The following TRABD2B variants were observed in gnomAD, a reference collection of about 807,000 sequenced individuals.
The protein encoded by TRABD2B is metalloprotease TIKI2.
In TRABD2B, 14 loss-of-function variants were observed where a neutral mutation model predicts 40.1. The observed-to-expected ratio is 0.35, with a 90% CI of 0.23 to 0.55. The LOEUF is 0.55. Among genes scored for constraint, TRABD2B ranks in the 20% least tolerant of loss-of-function variants. The pLI, the probability that TRABD2B is intolerant of heterozygous loss-of-function variation, is 0.90. For missense variants in TRABD2B, 541 were observed against 648.6 expected, an observed-to-expected ratio of 0.83 and a Z score of 1.80; for synonymous variants, 263 against 277.0, an observed-to-expected ratio of 0.95 and a Z score of 0.50.
chr1:47,900,285 G>C (rs1644582830), intron 2 of TRABD2B, among the ~76,000 whole-genome samples: 1 of 152,098 alleles, frequency 6.6e-6, no homozygotes, highest in African/African-American at 2.4e-5. Flanking sequence ...TTTGGGTTTA[G>C]GGTTCCTAAG....
chr1:47,863,372 T>TATATATATATATATATATATATATATA (rs1644003823), intron 2 of TRABD2B, among the ~76,000 whole-genome samples: 13 of 66,488 alleles, frequency 2.0e-4, no homozygotes, highest in South Asian at 3.7e-4. Context: ...CTATATAATT[T>TATATATATATATATATATATATATATA]TATATATATA....
intron 2 of TRABD2B, among the ~76,000 whole-genome samples, chr1:47,938,404 T>G (rs1348465320): frequency 6.6e-6 from 1 of 152,214 alleles, no homozygotes; most frequent in Non-Finnish European, 1.5e-5. Context: ...CCATCTGTTT[T>G]TCTGAAAACT....
At chr1:47,941,237 G>A (rs1436581290) in intron 2 of TRABD2B, among the ~76,000 whole-genome samples, 1 of 152,078 alleles carries the variant, frequency 6.6e-6, no homozygotes, top group African/African-American at 2.4e-5. Context: ...GTTCCTTAGA[G>A]TAGAAGTCCC....
chr1:47,978,182 T>G (rs1262936203), intron 2 of TRABD2B, among the ~76,000 whole-genome samples: 1 of 152,116 alleles, frequency 6.6e-6, no homozygotes, highest in African/African-American at 2.4e-5. Context: ...TATAAGGGAC[T>G]GAAGGGGCCA....
Position 47,996,718 on chromosome 1 carries a change from C to T in TRABD2B, c.72G>A (p.Pro24=), listed in dbSNP as rs1426315257. 2.0e-5 allele frequency: 25 copies of T among 1,228,160 alleles called. No individual in the cohort carries two copies. The highest frequency in any genetic ancestry group is 2.3e-5 in the Non-Finnish European group (23 of 984,836). The allele number at this position is 1,228,160 out of a possible 1,614,324, so 76.1% of individuals were successfully genotyped here. The part of the protein sequence containing the change: ...LATARARPQP[P]DGGQCRPPGS... ...CGGGCGGCCGGCACTGTCCTCCGTC[C>T]GGGGGCTGCGGGCGGGCGCGAGCGG... Residue 24 remains proline, a synonymous_variant, in exon 1 of 7, where the codon CCG becomes CCA. Coordinates refer to ENST00000606738, the MANE Select transcript of TRABD2B (RefSeq NM_001194986.2). The surrounding 1 kb of genome is among the most constrained non-coding windows in gnomAD (Gnocchi z 4.6).
chr1:47,794,396 C>T (rs1403519492), intron 4 of TRABD2B, among the ~76,000 whole-genome samples, 190 bp downstream of exon 4: 2 of 152,096 alleles, frequency 1.3e-5, no homozygotes, highest in African/African-American at 2.4e-5. Context: ...CCGTGGGGAC[C>T]GTTATGGAAG....
chr1:47,972,724 C>T (rs1293499340), intron 2 of TRABD2B, among the ~76,000 whole-genome samples: 1 of 152,108 alleles, frequency 6.6e-6, no homozygotes, highest in Non-Finnish European at 1.5e-5. Context: ...AGACAAGCAC[C>T]AATTTTTGAC....
intron 2 of TRABD2B, among the ~76,000 whole-genome samples, chr1:47,889,159 A>G (rs923853833): frequency 1.2e-4 from 18 of 152,254 alleles, no homozygotes; most frequent in African/African-American, 3.9e-4. Flanking sequence ...AACAGCTACC[A>G]GATGACTGAT....
At chr1:47,872,533 T>A (rs1235110315) in intron 2 of TRABD2B, among the ~76,000 whole-genome samples, 1 of 152,098 alleles carries the variant, frequency 6.6e-6, no homozygotes, top group East Asian at 1.9e-4. Context: ...CCTCTCTGGC[T>A]TCAACTCCCC....
At position 47,800,004 on chromosome 1, in the gene TRABD2B, T is replaced by C. The variant is rs570664652; in HGVS notation, c.813+1469A>G. On this transcript the variant is annotated intron_variant, in intron 3 of 6. Coordinates refer to ENST00000606738, the MANE Select transcript of TRABD2B (RefSeq NM_001194986.2). ...CACTGTGTCTAGCATTTATAAACTA[T>C]TTCATTCCTTCCTTCCTTCCTTCCT... Among the ~76,000 whole-genome samples, 112 of 119,284 alleles carry C rather than the reference T, an allele frequency of 9.4e-4. No homozygotes were observed. The Middle Eastern group carries it at 0.011, about 12-fold the overall frequency. The allele number at this position is 119,284 out of a possible 152,430, so 78.3% of individuals were successfully genotyped here.
chr1:47,915,419 C>T (rs1644817755), intron 2 of TRABD2B, among the ~76,000 whole-genome samples: 1 of 152,218 alleles, frequency 6.6e-6, no homozygotes, highest in South Asian at 2.1e-4. Flanking sequence ...AAGTGTATTA[C>T]ACCCAGGCCC....
rs1399431588 is a variant in TRABD2B at position 47,948,165 on chromosome 1, G to A, written c.666+45869C>T. 2.6e-5 allele frequency among the ~76,000 whole-genome samples: 4 copies of A among 152,176 alleles called. No individual in the cohort carries two copies. The South Asian group carries it at 6.2e-4, about 24-fold the overall frequency. On this transcript the variant is annotated intron_variant, in intron 2 of 6. Coordinates refer to ENST00000606738, the MANE Select transcript of TRABD2B (RefSeq NM_001194986.2). The stretch of plus-strand genomic sequence containing the variant: ...TCTTAGGGTCAAAGATTCCAAAATA[G>A]TGCTAATAGGCTCTGGGACAGTGGG...
At chr1:47,894,523 C>G (rs992563224) in intron 2 of TRABD2B, among the ~76,000 whole-genome samples, 25 of 152,084 alleles carry the variant, frequency 1.6e-4, no homozygotes, top group Non-Finnish European at 3.4e-4. Context: ...CCAAGTGCCA[C>G]GAAGAACAGC....
At chr1:47,794,885 A>G (rs1644726988) in intron 3 of TRABD2B, 125 bp from the exon 4 acceptor site, 1 of 901,222 alleles carries the variant, frequency 1.1e-6, no homozygotes, top group Non-Finnish European at 1.6e-6. Context: ...GGCTCAAGCC[A>G]TCCTCCTGCC....
intron 2 of TRABD2B, among the ~76,000 whole-genome samples, chr1:47,872,607 T>C (rs1462053981): frequency 6.6e-6 from 1 of 152,062 alleles, no homozygotes; most frequent in Non-Finnish European, 1.5e-5. Context: ...GGTGAGAGAA[T>C]GAAGATGGAG....
intron 2 of TRABD2B, among the ~76,000 whole-genome samples, chr1:47,946,424 T>C (rs1404381446): frequency 3.9e-5 from 6 of 152,196 alleles, no homozygotes; most frequent in Non-Finnish European, 5.9e-5. Context: ...AGTCCTAGTT[T>C]ACTGAGAGTT....
intron 2 of TRABD2B, among the ~76,000 whole-genome samples, chr1:47,957,433 T>C (rs907609101): frequency 6.6e-6 from 1 of 152,172 alleles, no homozygotes; most frequent in Admixed American, 6.5e-5. Flanking sequence ...AGGAGGATGA[T>C]TCAATCCATC....
chr1:47,898,891 C>T (rs1644560396), intron 2 of TRABD2B, among the ~76,000 whole-genome samples: 1 of 152,210 alleles, frequency 6.6e-6, no homozygotes, highest in Admixed American at 6.5e-5. Context: ...ATCTACTCTA[C>T]TCAGCTGTGG....
rs1569852707 is a variant in TRABD2B at position 47,761,869 on chromosome 1, C to G, written c.*4033G>C. On this transcript the variant is annotated 3_prime_UTR_variant, in exon 7 of 7. Transcript: ENST00000606738. Reference sequence around the variant, plus strand: ...TCTGCCTTCATTCCTTTCTTCCTCCCCTTCCTTCAGCTTCCTTCCCTTCCT... The same window carrying G: ...TCTGCCTTCATTCCTTTCTTCCTCCGCTTCCTTCAGCTTCCTTCCCTTCCT... 1 of 152,338 alleles carries G rather than the reference C, an allele frequency of 6.6e-6. No homozygotes were observed. Among genetic ancestry groups the G allele is most frequent in the African/African-American group, 2.4e-5 (1 of 41,448 alleles). 9.4% of individuals were successfully genotyped at this position (152,338 alleles called of 1,614,324 possible).
Sources: allele counts gnomAD v4.1 joint callset (sites outside exome capture counted in the v4.1 genomes callset), GRCh38; gene constraint gnomAD v4.1.1; non-coding constraint Gnocchi (gnomAD v3.1); transcripts MANE v1.5; gene names NCBI Gene and HGNC (gene_info 2026-07-23, HGNC 2026-07-21).